SPATA17: variants seen among roughly 807,000 people sequenced by gnomAD.
The protein encoded by SPATA17 is spermatogenesis associated 17, also known as spermatogenesis-associated protein 17.
SPATA17 carries 53 observed loss-of-function variants against 62.2 expected under a neutral mutation model. That is an observed-to-expected ratio of 0.85 (90% CI 0.68 to 1.07). The LOEUF is 1.07. Among genes scored for constraint, SPATA17 ranks in the 50% least tolerant of loss-of-function variants. The probability of loss-of-function intolerance (pLI) is 0.00; values close to 1 mark genes in which losing one functional copy is unlikely to be tolerated. For missense variants in SPATA17, 466 were observed against 425.5 expected (o/e 1.10, Z -0.84); for synonymous variants, 146 against 146.8 (o/e 0.99, Z 0.04).
chr1:217,835,984 C>G (rs979974273), intron 9 of SPATA17, among the ~76,000 whole-genome samples: 2 of 152,030 alleles, frequency 1.3e-5, no homozygotes, highest in East Asian at 1.9e-4. Context: ...TTTCCTACAC[C>G]CCTATGATTG....
At position 217,669,018 on chromosome 1, in the gene SPATA17, T is replaced by C; in HGVS notation, c.241-15T>C. On this transcript the variant is annotated splice_polypyrimidine_tract_variant and intron_variant, in intron 3 of 10. Coordinates refer to ENST00000366933, the MANE Select transcript of SPATA17 (RefSeq NM_138796.4). ...GTAACTGAAATGCATGCCATCTTTT[T>C]TTCTTGATTCACAGGTAGCATATTA... 1 of 1,610,172 alleles carries C rather than the reference T, an allele frequency of 6.2e-7. No homozygotes were observed. Among genetic ancestry groups the C allele is most frequent in the South Asian group, 1.1e-5 (1 of 90,186 alleles).
chr1:217,853,491 AT>A (rs779049422), intron 9 of SPATA17, among the ~76,000 whole-genome samples: 22 of 152,050 alleles, frequency 1.4e-4, no homozygotes, highest in Non-Finnish European at 2.5e-4. Context: ...CCCAGGAGTC[AT>A]TGTATCTGTG....
rs1167242721 is a variant in SPATA17, at chr1:217,680,957, G to A, written c.292-2301G>A. ...AAAAAAAAAAAAAAAGGCTGGGCAC[G>A]GTGGCTCACGCCTGTAATCCCAGCA... is the stretch of plus-strand genomic sequence containing the variant. On this transcript the variant is annotated intron_variant, in intron 4 of 10. Transcript: ENST00000366933. 5.9e-5 allele frequency among the ~76,000 whole-genome samples: 8 copies of A among 136,626 alleles called. No homozygotes were observed. In the East Asian group the frequency reaches 8.4e-4, roughly 14 times the overall value. 89.6% of individuals were successfully genotyped at this position (136,626 alleles called of 152,430 possible). A position where few individuals can be genotyped will look rare whatever the true frequency, so the allele number is the denominator to read the frequency against.
chr1:217,815,740 T>C (rs1674696791), intron 9 of SPATA17, among the ~76,000 whole-genome samples: 1 of 152,140 alleles, frequency 6.6e-6, no homozygotes, highest in Non-Finnish European at 1.5e-5. Context: ...AACAGAGGGT[T>C]CCCAGAGAAG....
intron 5 of SPATA17, among the ~76,000 whole-genome samples, chr1:217,707,304 A>G (rs1671759124): frequency 6.6e-6 from 1 of 152,076 alleles, no homozygotes; most frequent in South Asian, 2.1e-4. Flanking sequence ...TGAAGTTGTT[A>G]TCAGGTCAAA....
chr1:217,807,355 C>A (rs962360323), intron 9 of SPATA17, among the ~76,000 whole-genome samples: 4 of 151,778 alleles, frequency 2.6e-5, no homozygotes, highest in Non-Finnish European at 4.4e-5. Flanking sequence ...AGTCCAAACC[C>A]CAGTATTACA....
At chr1:217,838,328 T>C (rs1220835322) in intron 9 of SPATA17, among the ~76,000 whole-genome samples, 1 of 152,076 alleles carries the variant, frequency 6.6e-6, no homozygotes, top group Non-Finnish European at 1.5e-5. Context: ...TCTGATGTTA[T>C]GTTTTTTCGC....
At chr1:217,774,981 G>A (rs1025070351) in intron 7 of SPATA17, among the ~76,000 whole-genome samples, 10 of 152,164 alleles carry the variant, frequency 6.6e-5, no homozygotes, top group African/African-American at 2.4e-4. Flanking sequence ...ATCTTCTTGA[G>A]ACTGTTTTCA....
intron 2 of SPATA17, among the ~76,000 whole-genome samples, chr1:217,650,394 C>T (rs961043508): frequency 6.6e-6 from 1 of 152,010 alleles, no homozygotes; most frequent in African/African-American, 2.4e-5. Flanking sequence ...CTCATGAATT[C>T]TTTCTCTCTC....
intron 5 of SPATA17, among the ~76,000 whole-genome samples, chr1:217,704,530 G>A (rs1671688759): frequency 6.6e-6 from 1 of 151,724 alleles, no homozygotes; most frequent in Non-Finnish European, 1.5e-5. Flanking sequence ...GATTACAGGC[G>A]TGAGCCACCG....
intron 5 of SPATA17, among the ~76,000 whole-genome samples, chr1:217,711,719 G>A (rs1040105994): frequency 2.0e-5 from 3 of 152,202 alleles, no homozygotes; most frequent in Non-Finnish European, 4.4e-5. Context: ...ACAGGAGAAA[G>A]TGAAGAACAC....
intron 9 of SPATA17, among the ~76,000 whole-genome samples, chr1:217,839,894 C>G (rs143521056): frequency 6.6e-6 from 1 of 152,054 alleles, no homozygotes; most frequent in Non-Finnish European, 1.5e-5. Flanking sequence ...TGCACTGAGC[C>G]AAACATTTTG....
chr1:217,852,606 G>C (rs1675691182), intron 9 of SPATA17, among the ~76,000 whole-genome samples: 1 of 152,186 alleles, frequency 6.6e-6, no homozygotes, highest in African/African-American at 2.4e-5. Flanking sequence ...TTCATTGCTT[G>C]ATGCTGTGGC....
intron 5 of SPATA17, among the ~76,000 whole-genome samples, chr1:217,703,166 C>A (rs540676321): frequency 1.2e-4 from 11 of 94,174 alleles, no homozygotes; most frequent in African/African-American, 3.8e-4. Context: ...TGAGCCATTG[C>A]GCTCGGCCTT....
At chr1:217,658,445 G>A (rs904343640) in intron 3 of SPATA17, among the ~76,000 whole-genome samples, 3 of 152,110 alleles carry the variant, frequency 2.0e-5, no homozygotes, top group Non-Finnish European at 2.9e-5. Context: ...GAGCCAAATT[G>A]ACCTCTTTTC....
chr1:217,678,278 G>A (rs1356874357), intron 4 of SPATA17, among the ~76,000 whole-genome samples: 4 of 143,406 alleles, frequency 2.8e-5, no homozygotes, highest in African/African-American at 7.8e-5. Context: ...GCACAGTCTC[G>A]GCTCTCTGCA....
rs189307299 is a variant in SPATA17 at position 217,636,903 on chromosome 1, A to G, written c.68+5457A>G. Among the ~76,000 whole-genome samples the G allele has an allele frequency of 1.1e-4, 17 of 152,326 alleles. No individual in the cohort carries two copies. The East Asian group carries it at 3.1e-3, about 28-fold the overall frequency. On this transcript the variant is annotated intron_variant, in intron 1 of 10. Transcript: ENST00000366933. ...ACACTTAAAAATTTTTAAAACACAT[A>G]AGTTTTTTAACAATATGTAAGAAGA...
intron 6 of SPATA17, among the ~76,000 whole-genome samples, chr1:217,754,567 G>A (rs1672996999): frequency 6.6e-6 from 1 of 152,092 alleles, no homozygotes; most frequent in African/African-American, 2.4e-5. Context: ...ATGCTATTAT[G>A]TATAACTGAT....
At chr1:217,776,941 T>C (rs536713045) in intron 7 of SPATA17, among the ~76,000 whole-genome samples, 1 of 152,216 alleles carries the variant, frequency 6.6e-6, no homozygotes, top group African/African-American at 2.4e-5. Flanking sequence ...CTTATAAAAC[T>C]AATGCTAGAA....
Sources: allele counts gnomAD v4.1 joint callset (sites outside exome capture counted in the v4.1 genomes callset), GRCh38; gene constraint gnomAD v4.1.1; transcripts MANE v1.5; gene names NCBI Gene and HGNC (gene_info 2026-07-23, HGNC 2026-07-21).